DNAJB6: variants seen among roughly 807,000 people sequenced by gnomAD.
DNAJB6 encodes the protein dnaJ homolog subfamily B member 6.
Under a neutral mutation model 42.7 loss-of-function variants are expected in DNAJB6, and 16 were observed. That is an observed-to-expected ratio of 0.37 (90% CI 0.25 to 0.57). The LOEUF (loss-of-function observed/expected upper bound fraction) is 0.57. Ranked by LOEUF, DNAJB6 falls within the 20% of genes least tolerant of loss-of-function variation. The pLI is 0.74. For missense variants in DNAJB6, 347 were observed against 416.8 expected (o/e 0.83, Z 1.46); for synonymous variants, 170 against 163.5 (o/e 1.04, Z -0.30).
intron 6 of DNAJB6, among the ~76,000 whole-genome samples, chr7:157,384,520 A>G (rs1177925509): frequency 6.6e-6 from 1 of 152,218 alleles, no homozygotes; most frequent in Non-Finnish European, 1.5e-5. Context: ...TGTTCACATT[A>G]ACACAACACG....
intron 8 of DNAJB6, among the ~76,000 whole-genome samples, chr7:157,387,781 AT>A (rs34146062): frequency 2.6e-5 from 4 of 151,286 alleles, no homozygotes; most frequent in East Asian, 1.9e-4. Flanking sequence ...TCTTGTGAAA[AT>A]TTTTTTTTGA....
At chr7:157,344,099 G>A (rs146542274) in intron 1 of DNAJB6, among the ~76,000 whole-genome samples, 23,018 of 152,114 alleles carry the variant, frequency 0.15, 2,240 homozygotes, top group Admixed American at 0.23. Flanking sequence ...CCAGTACTTT[G>A]GGAGGCCAAG....
At chr7:157,398,620 A>G (rs1400279767) in intron 8 of DNAJB6, among the ~76,000 whole-genome samples, 3 of 151,740 alleles carry the variant, frequency 2.0e-5, no homozygotes, top group East Asian at 1.9e-4. Flanking sequence ...TTTTGGCTTG[A>G]GGGGGGGGAT....
At position 157,344,678 on chromosome 7, in the gene DNAJB6, G is replaced by A. The variant is rs868530294; in HGVS notation, c.-27+7534G>A. Among the ~76,000 whole-genome samples, 86 of 152,216 alleles carry A rather than the reference G, an allele frequency of 5.6e-4. 1 individual carries two copies. The highest frequency in any genetic ancestry group is 4.7e-4 in the Non-Finnish European group (32 of 68,018). On this transcript the variant is annotated intron_variant, in intron 1 of 9. Transcript: ENST00000262177. ...TACGTAGGCTGGAGGGCATTGGTGC[G>A]TTCACGTCTCACTAGCATCGACTGC... is the stretch of plus-strand genomic sequence containing the variant.
intron 1 of DNAJB6, among the ~76,000 whole-genome samples, chr7:157,339,281 C>CTTT (rs34284253): frequency 0.023 from 1,572 of 68,308 alleles, 283 homozygotes; most frequent in East Asian, 0.036. Flanking sequence ...CTGTTTGCAC[C>CTTT]TTTTTTTTTT....
chr7:157,406,096 C>T lies in DNAJB6; in HGVS notation c.692-3699C>T, dbSNP rs114446203. ...CATCGAGGCCGAATCGGGCAGTCCT[C>T]CTGTTCAGACCAACTGTGTGTCCCT... is the stretch of plus-strand genomic sequence containing the variant. On this transcript the variant is annotated intron_variant, in intron 8 of 9. Transcript: ENST00000262177. 4.1e-3 allele frequency among the ~76,000 whole-genome samples: 623 copies of T among 152,360 alleles called. 5 individuals are homozygous for T. The highest frequency in any genetic ancestry group is 0.014 in the African/African-American group (574 of 41,598).
At chr7:157,348,152 G>A (rs1798783388) in intron 1 of DNAJB6, among the ~76,000 whole-genome samples, 1 of 150,798 alleles carries the variant, frequency 6.6e-6, no homozygotes, top group Admixed American at 6.6e-5. Context: ...GAGTGCAGTA[G>A]CGTGATCTTG....
chr7:157,355,098 C>G (rs6952658), intron 1 of DNAJB6, among the ~76,000 whole-genome samples: 11,148 of 152,220 alleles, frequency 0.073, 615 homozygotes, highest in African/African-American at 0.16. Flanking sequence ...GGATGAAAAC[C>G]CACATGTAGG....
intron 5 of DNAJB6, chr7:157,380,746 C>G (rs1800720566): frequency 6.6e-6 from 1 of 152,304 alleles, no homozygotes; most frequent in Non-Finnish European, 1.5e-5. Flanking sequence ...TTCTTTGGGA[C>G]TCAATGCCTT....
At chr7:157,343,840 A>AT (rs1411494731) in intron 1 of DNAJB6, among the ~76,000 whole-genome samples, 15 of 152,052 alleles carry the variant, frequency 9.9e-5, no homozygotes, top group Non-Finnish European at 1.5e-4. Context: ...GATTAGGCTA[A>AT]TTTTTTTCAT....
chr7:157,382,205 G>A, intron 5 of DNAJB6, 41 bp from the exon 6 acceptor site: 1 of 1,527,246 alleles, frequency 6.5e-7, no homozygotes, highest in Non-Finnish European at 8.8e-7. Context: ...AAAAAAACTT[G>A]AAAAAAAGAC....
At chr7:157,345,282 C>G (rs1798624542) in intron 1 of DNAJB6, among the ~76,000 whole-genome samples, 1 of 152,178 alleles carries the variant, frequency 6.6e-6, no homozygotes, top group South Asian at 2.1e-4. Context: ...GCGTGAGCCA[C>G]TGCGCCTGGC....
At position 157,368,780 on chromosome 7, in the gene DNAJB6, G is replaced by A. The variant is rs79966023; in HGVS notation, c.346+1297G>A. 106 of 165,492 alleles carry A rather than the reference G, an allele frequency of 6.4e-4. 1 individual carries two copies. The East Asian group carries it at 0.016, about 25-fold the overall frequency. The allele number at this position is 165,492 out of a possible 1,614,324, so 10.3% of individuals were successfully genotyped here. A position where few individuals can be genotyped will look rare whatever the true frequency, so the allele number is the denominator to read the frequency against. On this transcript the variant is annotated intron_variant, in intron 5 of 9. Coordinates refer to ENST00000262177, the MANE Select transcript of DNAJB6 (RefSeq NM_058246.4). Reference sequence around the variant, plus strand: ...TTATTGAAAGGGAAACACATTGTATGTTTACCTCCTTCATTGCCTGGAGCT... The same window carrying A: ...TTATTGAAAGGGAAACACATTGTATATTTACCTCCTTCATTGCCTGGAGCT...
chr7:157,347,000 C>T (rs886991155), intron 1 of DNAJB6, among the ~76,000 whole-genome samples: 34 of 152,258 alleles, frequency 2.2e-4, no homozygotes, highest in African/African-American at 7.5e-4. Context: ...AGACTACAGG[C>T]GCCCGCCACC....
intron 1 of DNAJB6, among the ~76,000 whole-genome samples, chr7:157,357,145 A>G (rs1327530129): frequency 6.6e-6 from 1 of 150,512 alleles, no homozygotes; most frequent in East Asian, 1.9e-4. Flanking sequence ...TTAAAAAAAA[A>G]AACAAAAAAC....
intron 5 of DNAJB6, 33 bp downstream of exon 5, chr7:157,367,516 G>C (rs1327682268): frequency 7.8e-7 from 1 of 1,287,770 alleles, no homozygotes; most frequent in Admixed American, 1.7e-5. Context: ...CTTGGTGTGT[G>C]TCCATGACCC....
At chr7:157,384,415 A>C (rs952493377) in intron 6 of DNAJB6, among the ~76,000 whole-genome samples, 2 of 152,190 alleles carry the variant, frequency 1.3e-5, no homozygotes, top group African/African-American at 2.4e-5. Flanking sequence ...TGTCCATCAC[A>C]GTCTGTGGAG....
rs3779592 is a variant in DNAJB6, at chr7:157,360,434, T to C, written c.65+1797T>C. Among the ~76,000 whole-genome samples the C allele has an allele frequency of 1.4e-3, 209 of 152,324 alleles. 1 individual carries two copies. Among genetic ancestry groups the C allele is most frequent in the East Asian group, 0.01 (54 of 5,186 alleles). On this transcript the variant is annotated intron_variant, in intron 2 of 9. Coordinates refer to ENST00000262177, the MANE Select transcript of DNAJB6 (RefSeq NM_058246.4). ...TTTGGGTGGGGACATAGCCAGCCCT[T>C]ATCAATGGATAAGCATAATATGTGT...
chr7:157,385,012 C>T lies in DNAJB6; in HGVS notation c.620+4C>T, dbSNP rs1800984159. On this transcript the variant is annotated splice_donor_region_variant and intron_variant, in intron 7 of 9. Coordinates refer to ENST00000262177, the MANE Select transcript of DNAJB6 (RefSeq NM_058246.4). ...GCAGAAAAATCACTACAAAGAGGTA[C>T]TGTGGTATTCTGCATTTTATATTTT... 3 of 1,611,368 alleles carry T rather than the reference C, an allele frequency of 1.9e-6. No homozygotes were observed. The highest frequency in any genetic ancestry group is 2.7e-5 in the African/African-American group (2 of 74,748).
Sources: allele counts gnomAD v4.1 joint callset (sites outside exome capture counted in the v4.1 genomes callset), GRCh38; gene constraint gnomAD v4.1.1; transcripts MANE v1.5; gene names NCBI Gene and HGNC (gene_info 2026-07-23, HGNC 2026-07-21).